BTAF1: variants seen among roughly 807,000 people sequenced by gnomAD.
BTAF1 encodes the protein TATA-binding protein-associated factor 172.
Under a neutral mutation model 227.1 loss-of-function variants are expected in BTAF1, and 38 were observed. The ratio of observed to expected loss-of-function variants is 0.17; its 90% CI spans 0.13 to 0.22. BTAF1 has a LOEUF of 0.22. Ranked by LOEUF, BTAF1 falls within the 10% of genes least tolerant of loss-of-function variation. The pLI, the probability that BTAF1 is intolerant of heterozygous loss-of-function variation, is 1.00. For missense variants in BTAF1, 1,598 were observed against 2,204.0 expected, an observed-to-expected ratio of 0.73 and a Z score of 5.51; for synonymous variants, 742 against 751.9, an observed-to-expected ratio of 0.99 and a Z score of 0.21.
intron 14 of BTAF1, among the ~76,000 whole-genome samples, chr10:91,978,726 A>G (rs1271809325): frequency 6.6e-6 from 1 of 151,298 alleles, no homozygotes; most frequent in Non-Finnish European, 1.5e-5. Context: ...GGACATTTCT[A>G]TCCAATGAAA....
intron 24 of BTAF1, chr10:91,997,039 A>G: frequency 3.6e-6 from 4 of 1,109,036 alleles, no homozygotes; most frequent in Non-Finnish European, 4.9e-6. Flanking sequence ...TGCTAAGGGT[A>G]TGGCAGCAGC....
chr10:91,966,805 T>G (rs1846952585), intron 14 of BTAF1, 48 bp downstream of exon 14: 2 of 1,547,386 alleles, frequency 1.3e-6, no homozygotes, highest in African/African-American at 2.8e-5. Context: ...TAAATTAATT[T>G]TATAAAATAA....
intron 14 of BTAF1, among the ~76,000 whole-genome samples, chr10:91,976,710 T>C (rs1431849374): frequency 3.9e-5 from 6 of 152,230 alleles, no homozygotes; most frequent in African/African-American, 1.4e-4. Context: ...TGGGAAATTT[T>C]GCATATTGGC....
chr10:92,027,493 A>G (rs1163955284), intron 37 of BTAF1, among the ~76,000 whole-genome samples, 193 bp downstream of exon 37: 2 of 147,398 alleles, frequency 1.4e-5, no homozygotes, highest in African/African-American at 5.1e-5. Flanking sequence ...TTTTTTTTTC[A>G]TTGATGTCTT....
intron 25 of BTAF1, among the ~76,000 whole-genome samples, chr10:92,005,669 C>A (rs1564711603): frequency 6.6e-6 from 1 of 152,000 alleles, no homozygotes; most frequent in Non-Finnish European, 1.5e-5. Context: ...CACCAAAGAG[C>A]TGTTGTTTAT....
intron 25 of BTAF1, among the ~76,000 whole-genome samples, chr10:92,003,603 T>C (rs562721624): frequency 6.6e-6 from 1 of 152,338 alleles, no homozygotes; most frequent in East Asian, 1.9e-4. Context: ...CTGAATAGTA[T>C]CCAGTTATAT....
At chr10:91,924,178 G>A in intron 1 of BTAF1, 88 bp downstream of exon 1, 1 of 1,525,036 alleles carries the variant, frequency 6.6e-7, no homozygotes, top group Admixed American at 2.1e-5. Context: ...GAGAAGAGCG[G>A]TTCTCATTGT....
chr10:91,948,615 C>CA (rs1225901480), intron 4 of BTAF1, among the ~76,000 whole-genome samples: 1 of 150,630 alleles, frequency 6.6e-6, no homozygotes, highest in East Asian at 2.0e-4. Flanking sequence ...TTCCTGGCCT[C>CA]AAGCGATTCT....
intron 30 of BTAF1, among the ~76,000 whole-genome samples, chr10:92,012,542 G>C (rs1262313876): frequency 1.3e-5 from 2 of 151,202 alleles, no homozygotes; most frequent in East Asian, 4.0e-4. Flanking sequence ...AGGTTGAGGC[G>C]GGTGGATCAA....
chr10:91,972,329 C>T (rs1043388607), intron 14 of BTAF1, among the ~76,000 whole-genome samples: 4 of 152,076 alleles, frequency 2.6e-5, no homozygotes, highest in African/African-American at 9.7e-5. Context: ...GTTCATTTGA[C>T]CAAAGTATCT....
chr10:91,976,779 A>G (rs1223244797), intron 14 of BTAF1, among the ~76,000 whole-genome samples: 1 of 152,236 alleles, frequency 6.6e-6, no homozygotes, highest in Non-Finnish European at 1.5e-5. Flanking sequence ...GATTTCAACA[A>G]CTATTTAAGT....
chr10:91,944,117 A>T (rs1589768665), intron 4 of BTAF1, among the ~76,000 whole-genome samples: 1 of 151,450 alleles, frequency 6.6e-6, no homozygotes, highest in Admixed American at 6.6e-5. Flanking sequence ...TGGCCATTGC[A>T]CTCCAGCCTG....
intron 1 of BTAF1, among the ~76,000 whole-genome samples, chr10:91,933,140 A>G (rs554706300): frequency 6.6e-6 from 1 of 152,216 alleles, no homozygotes; most frequent in Non-Finnish European, 1.5e-5. Flanking sequence ...GGTGTGAGAG[A>G]CATTCTGAGT....
intron 13 of BTAF1, 81 bp downstream of exon 13, chr10:91,964,282 T>G: frequency 6.9e-7 from 1 of 1,439,054 alleles, no homozygotes; most frequent in Non-Finnish European, 9.5e-7. Flanking sequence ...ATAACAATAT[T>G]TTAGCACCTT....
chr10:91,940,367 A>G lies in BTAF1; in HGVS notation c.253+301A>G, dbSNP rs529877601. On this transcript the variant is annotated intron_variant, in intron 3 of 37. Coordinates refer to ENST00000265990, the MANE Select transcript of BTAF1 (RefSeq NM_003972.3). ...ACATTCTAAAAAAAGTTAAATCAGT[A>G]CAGTGTAAATATTTGAAAGTCTTTT... Among the ~76,000 whole-genome samples the G allele has an allele frequency of 3.9e-5, 6 of 152,276 alleles. No homozygotes were observed. The East Asian group carries it at 1.2e-3, about 29-fold the overall frequency.
At chr10:91,991,775 A>ATGTGTG (rs376156562) in intron 20 of BTAF1, among the ~76,000 whole-genome samples, 41 of 81,496 alleles carry the variant, frequency 5.0e-4, no homozygotes, top group African/African-American at 2.7e-3. Context: ...AATTATATAT[A>ATGTGTG]TGTGTGTGTG....
At chr10:91,998,003 T>C (rs1849253268) in intron 25 of BTAF1, among the ~76,000 whole-genome samples, 1 of 151,860 alleles carries the variant, frequency 6.6e-6, no homozygotes, top group African/African-American at 2.4e-5. Context: ...GGTGTGTGCC[T>C]GTAGTCTCAG....
At chr10:91,979,184 G>A (rs988659472) in intron 14 of BTAF1, among the ~76,000 whole-genome samples, 1 of 152,138 alleles carries the variant, frequency 6.6e-6, no homozygotes, top group African/African-American at 2.4e-5. Flanking sequence ...GTATTCCATG[G>A]TGTATGTGTA....
Position 91,941,550 on chromosome 10 carries a change from A to G in BTAF1, c.254-872A>G, listed in dbSNP as rs1490840968. On this transcript the variant is annotated intron_variant, in intron 3 of 37. Coordinates refer to ENST00000265990, the MANE Select transcript of BTAF1 (RefSeq NM_003972.3). ...CTCACATGGATATGTGATTTTAGCA[A>G]GTTACCAGGAGATTCTTATTTGCCC... Among the ~76,000 whole-genome samples, 7 of 152,334 alleles carry G rather than the reference A, an allele frequency of 4.6e-5. No individual in the cohort carries two copies. In the East Asian group the frequency reaches 1.3e-3, roughly 29 times the overall value.
Sources: gnomAD v4.1 joint callset for allele counts (sites outside exome capture counted in the v4.1 genomes callset) on GRCh38, gnomAD v4.1.1 for gene constraint, MANE v1.5 for transcripts, NCBI Gene and HGNC (gene_info 2026-07-23, HGNC 2026-07-21) for gene names.